DAB1: variants seen among roughly 807,000 people sequenced by gnomAD.
The protein encoded by DAB1 is DAB adaptor protein 1, also known as disabled homolog 1.
DAB1 carries 15 observed loss-of-function variants against 64.6 expected under a neutral mutation model. The ratio of observed to expected loss-of-function variants is 0.23; its 90% CI spans 0.16 to 0.36. DAB1 has a LOEUF of 0.36. Ranked by LOEUF, DAB1 falls within the 10% of genes least tolerant of loss-of-function variation. The pLI, the probability that DAB1 is intolerant of heterozygous loss-of-function variation, is 1.00. For synonymous variants in DAB1, 235 were observed against 251.9 expected, an observed-to-expected ratio of 0.93 and a Z score of 0.64; for missense variants, 596 against 706.7, an observed-to-expected ratio of 0.84 and a Z score of 1.78.
chr1:57,894,834 G>A (rs1376943803), intron 5 of DAB1, among the ~76,000 whole-genome samples: 1 of 152,098 alleles, frequency 6.6e-6, no homozygotes, highest in Non-Finnish European at 1.5e-5. Flanking sequence ...GTAGAGGGTG[G>A]GAGAGGGAAG....
rs535014876 is a variant in DAB1 at position 57,969,143 on chromosome 1, A to G, written n.388-84981T>C. On this transcript the variant is annotated intron_variant and non_coding_transcript_variant, in intron 5 of 20. Coordinates refer to the DAB1 transcript ENST00000485760. The stretch of plus-strand genomic sequence containing the variant: ...ATTAGCAAAACTAATTTAAGAATTT[A>G]TTCCGAATTTCTCATCCAGTGGGTA... Among the ~76,000 whole-genome samples the G allele has an allele frequency of 1.6e-4, 24 of 152,304 alleles. No homozygotes were observed. In the South Asian group the frequency reaches 4.8e-3, roughly 30 times the overall value.
In DAB1 at chr1:58,348,944, T is replaced by C. The variant is rs533036946; in HGVS notation, n.258-5541A>G. 4.6e-5 allele frequency among the ~76,000 whole-genome samples: 7 copies of C among 152,328 alleles called. No homozygotes were observed. In the East Asian group the frequency reaches 1.2e-3, roughly 25 times the overall value. ...GAAGATTGGACTGCTTGGGGCTGAC[T>C]GTAGTCCATCTGGAAAAGTTTCATG... is the stretch of plus-strand genomic sequence containing the variant. On this transcript the variant is annotated intron_variant and non_coding_transcript_variant, in intron 3 of 20. Coordinates refer to the DAB1 transcript ENST00000485760.
chr1:58,137,725 G>A (rs765747027), intron 5 of DAB1, among the ~76,000 whole-genome samples: 12 of 152,188 alleles, frequency 7.9e-5, no homozygotes, highest in Non-Finnish European at 1.5e-4. Flanking sequence ...GCCTGTTACA[G>A]CAGCATGTTG....
chr1:57,023,966 G>C (rs558118443), intron 10 of DAB1, among the ~76,000 whole-genome samples: 26 of 152,124 alleles, frequency 1.7e-4, no homozygotes, highest in African/African-American at 6.0e-4. Flanking sequence ...TACTCCCTGG[G>C]GGGTGTTTTC....
At chr1:57,305,706 A>C (rs556826146) in intron 1 of DAB1, among the ~76,000 whole-genome samples, 25 of 152,308 alleles carry the variant, frequency 1.6e-4, no homozygotes, top group African/African-American at 5.3e-4. Context: ...GCAGTGGCTC[A>C]CACCTGTAAT....
At chr1:58,138,232 G>T (rs778174445) in intron 5 of DAB1, among the ~76,000 whole-genome samples, 3 of 152,114 alleles carry the variant, frequency 2.0e-5, no homozygotes, top group Non-Finnish European at 2.9e-5. Context: ...TGAGCTCAGA[G>T]AAGTATAAAA....
At chr1:58,417,998 A>G (rs996615477) in intron 3 of DAB1, among the ~76,000 whole-genome samples, 14 of 152,190 alleles carry the variant, frequency 9.2e-5, no homozygotes, top group Admixed American at 2.0e-4. Context: ...ACACTAGGTG[A>G]TCCCTTCACT....
rs778403185 is a variant in DAB1, at chr1:57,571,937, C to T, written n.625+77655G>A. 7.9e-4 allele frequency among the ~76,000 whole-genome samples: 120 copies of T among 152,240 alleles called. 1 individual carries two copies. The highest frequency in any genetic ancestry group is 1.2e-3 in the Non-Finnish European group (85 of 68,012). ...ATCCTCATGGGGTGATCTGGAGAAC[C>T]AATAAATTATCCCATGGAAGGTGCT... On this transcript the variant is annotated intron_variant and non_coding_transcript_variant, in intron 7 of 20. Coordinates refer to the DAB1 transcript ENST00000485760.
At chr1:57,678,933 AT>A (rs11349766) in intron 6 of DAB1, among the ~76,000 whole-genome samples, 106,351 of 148,804 alleles carry the variant, frequency 0.71, 38,407 homozygotes, top group East Asian at 0.91. Context: ...TGCCCGGCTA[AT>A]TTTTTTTTTT....
intron 5 of DAB1, among the ~76,000 whole-genome samples, chr1:57,951,166 T>A (rs899795474): frequency 1.3e-5 from 2 of 151,360 alleles, no homozygotes; most frequent in African/African-American, 4.9e-5. Context: ...AATGGTTACA[T>A]ATATAACCAC....
At chr1:58,270,393 G>T (rs1661286729) in intron 4 of DAB1, among the ~76,000 whole-genome samples, 1 of 125,440 alleles carries the variant, frequency 8.0e-6, no homozygotes, top group Non-Finnish European at 1.7e-5. Flanking sequence ...TCTCTGTTTT[G>T]GTACCAGTAC....
chr1:58,411,955 C>G (rs560444433), intron 3 of DAB1, among the ~76,000 whole-genome samples: 1 of 152,304 alleles, frequency 6.6e-6, no homozygotes, highest in African/African-American at 2.4e-5. Context: ...TCCCTCTTTT[C>G]TATAGGACAC....
rs527628194 is a variant in DAB1 at position 58,252,343 on chromosome 1, C to A, written n.309+91009G>T. Among the ~76,000 whole-genome samples the A allele has an allele frequency of 8.5e-5, 13 of 152,252 alleles. 1 individual carries two copies. Among genetic ancestry groups the A allele is most frequent in the Admixed American group, 5.9e-4 (9 of 15,288 alleles). ...TCTTTTTCTCAAGCAGGAAACATTT[C>A]GAGCAGGAAAGATTTTCATTTTGTT... On this transcript the variant is annotated intron_variant and non_coding_transcript_variant, in intron 4 of 20. Coordinates refer to the DAB1 transcript ENST00000485760.
chr1:57,642,861 T>C (rs775539942), intron 7 of DAB1, among the ~76,000 whole-genome samples: 14 of 152,236 alleles, frequency 9.2e-5, no homozygotes, highest in Non-Finnish European at 1.5e-4. Flanking sequence ...TGCTAATATC[T>C]CTAGACTTTC....
chr1:58,290,326 AT>A (rs1411310645), intron 4 of DAB1, among the ~76,000 whole-genome samples: 1 of 152,174 alleles, frequency 6.6e-6, no homozygotes, highest in African/African-American at 2.4e-5. Context: ...AGGTGTGGGT[AT>A]TGGAATGTCA....
At chr1:57,432,673 C>T (rs984514686) in intron 7 of DAB1, among the ~76,000 whole-genome samples, 1 of 152,076 alleles carries the variant, frequency 6.6e-6, no homozygotes, top group African/African-American at 2.4e-5. Flanking sequence ...TCCATTGTTC[C>T]CCAGATTTTT....
chr1:57,557,300 T>A (rs1645000679), intron 7 of DAB1, among the ~76,000 whole-genome samples: 1 of 152,154 alleles, frequency 6.6e-6, no homozygotes. Flanking sequence ...AATATCAAAC[T>A]CCAAGTTCTA....
intron 1 of DAB1, among the ~76,000 whole-genome samples, chr1:57,299,488 G>A (rs923256322): frequency 1.3e-5 from 2 of 152,116 alleles, no homozygotes; most frequent in East Asian, 3.9e-4. Flanking sequence ...AACATTAAAC[G>A]AATTTATTTG....
Position 57,377,232 on chromosome 1 carries a change from T to C in DAB1, c.-137+46698A>G, listed in dbSNP as rs1295869501. On this transcript the variant is annotated intron_variant, in intron 1 of 14. Transcript: ENST00000371236. Reference sequence around the variant, plus strand: ...TTGCAGTGAGCCTAGATCATGCCACTGCACTCTAGCCTGGGTGACAGAGTG... The same window carrying C: ...TTGCAGTGAGCCTAGATCATGCCACCGCACTCTAGCCTGGGTGACAGAGTG... Among the ~76,000 whole-genome samples the C allele has an allele frequency of 5.3e-5, 8 of 150,252 alleles. 1 individual carries two copies. The highest frequency in any genetic ancestry group is 5.3e-4 in the Admixed American group (8 of 15,054).
Sources: gnomAD v4.1 joint callset for allele counts (sites outside exome capture counted in the v4.1 genomes callset) on GRCh38, gnomAD v4.1.1 for gene constraint, MANE v1.5 for transcripts, NCBI Gene and HGNC (gene_info 2026-07-23, HGNC 2026-07-21) for gene names.